CCSER1: variants seen among roughly 807,000 people sequenced by gnomAD.
CCSER1 encodes serine-rich coiled-coil domain-containing protein 1.
In CCSER1, 41 loss-of-function variants were observed where a neutral mutation model predicts 82.0. That is an observed-to-expected ratio of 0.50 (90% confidence interval 0.39 to 0.65). The LOEUF is 0.65. Among genes scored for constraint, CCSER1 ranks in the 30% least tolerant of loss-of-function variants. The pLI is 0.00. For missense variants in CCSER1, 1,119 were observed against 1,064.2 expected (o/e 1.05, Z -0.72); for synonymous variants, 414 against 383.9 (o/e 1.08, Z -0.92).
At chr4:91,160,214 A>C (rs1183671608) in intron 10 of CCSER1, among the ~76,000 whole-genome samples, 1 of 152,186 alleles carries the variant, frequency 6.6e-6, no homozygotes, top group Non-Finnish European at 1.5e-5. Context: ...GTCCCTACAA[A>C]GGACATGAAC....
intron 9 of CCSER1, among the ~76,000 whole-genome samples, chr4:91,052,868 G>T (rs1443137498): frequency 6.6e-6 from 1 of 152,064 alleles, no homozygotes; most frequent in Non-Finnish European, 1.5e-5. Flanking sequence ...ACATCTTTAT[G>T]TAGGGCATGA....
chr4:90,197,175 A>C (rs1736775765), intron 1 of CCSER1, among the ~76,000 whole-genome samples: 1 of 152,170 alleles, frequency 6.6e-6, no homozygotes, highest in Admixed American at 6.6e-5. Context: ...ATTATAAAGG[A>C]TATTATAAAG....
At chr4:90,683,870 A>G (rs969817904) in intron 6 of CCSER1, among the ~76,000 whole-genome samples, 4 of 152,144 alleles carry the variant, frequency 2.6e-5, no homozygotes, top group African/African-American at 9.7e-5. Flanking sequence ...CTTTTGAGCC[A>G]TGTTTCCTTG....
intron 10 of CCSER1, among the ~76,000 whole-genome samples, chr4:91,346,945 C>T (rs1748102301): frequency 1.3e-5 from 2 of 151,942 alleles, no homozygotes; most frequent in Non-Finnish European, 1.5e-5. Flanking sequence ...CTTTCTTTCT[C>T]TTCACAGTGT....
chr4:90,581,463 A>G (rs2148637894), intron 5 of CCSER1, among the ~76,000 whole-genome samples: 1 of 152,262 alleles, frequency 6.6e-6, no homozygotes, highest in East Asian at 1.9e-4. Flanking sequence ...CTGTTTGATT[A>G]CGTTCTACTT....
intron 3 of CCSER1, among the ~76,000 whole-genome samples, chr4:90,323,348 T>C (rs778107937): frequency 6.6e-6 from 1 of 152,208 alleles, no homozygotes; most frequent in African/African-American, 2.4e-5. Context: ...TTGTGACCTG[T>C]CTTTCAAAGT....
At chr4:90,476,390 A>G (rs1299568352) in intron 5 of CCSER1, among the ~76,000 whole-genome samples, 2 of 152,076 alleles carry the variant, frequency 1.3e-5, no homozygotes, top group Non-Finnish European at 2.9e-5. Flanking sequence ...AGGAACAGTC[A>G]ATCACTGGTA....
At chr4:90,965,355 G>C (rs905394584) in intron 9 of CCSER1, among the ~76,000 whole-genome samples, 4 of 152,056 alleles carry the variant, frequency 2.6e-5, no homozygotes, top group Non-Finnish European at 4.4e-5. Flanking sequence ...ATTCAAGGCT[G>C]TGTGTATGCC....
chr4:90,468,697 A>G (rs1578628001), intron 5 of CCSER1: 1 of 160,158 alleles, frequency 6.2e-6, no homozygotes, highest in East Asian at 1.8e-4. Context: ...ATAAAATGAA[A>G]TCAGTTTTTA....
intron 5 of CCSER1, among the ~76,000 whole-genome samples, chr4:90,577,842 C>T (rs939660716): frequency 2.0e-5 from 3 of 151,984 alleles, no homozygotes; most frequent in Admixed American, 6.6e-5. Context: ...CATGCCGGTG[C>T]AGCAGAGATT....
rs200733050 is a variant in CCSER1, at chr4:91,192,410, TAACTCTGTC to T, written c.2217+106417_2217+106425del. On this transcript the variant is annotated intron_variant, in intron 10 of 10. Transcript: ENST00000509176. Reference sequence around the variant, plus strand: ...CTCAGATTTCAAAGTCCTTGCAGGATAACTCTGTCGATTGAATGTACCCTTGAGACTTAG... The same window carrying T: ...CTCAGATTTCAAAGTCCTTGCAGGATGATTGAATGTACCCTTGAGACTTAG... Among the ~76,000 whole-genome samples the T allele has an allele frequency of 5.1e-3, 783 of 152,342 alleles. 6 individuals are homozygous for T. The highest frequency in any genetic ancestry group is 0.018 in the African/African-American group (739 of 41,574).
Position 91,184,572 on chromosome 4 carries a change from T to C in CCSER1, c.2217+98578T>C, listed in dbSNP as rs542649222. Among the ~76,000 whole-genome samples the C allele has an allele frequency of 9.2e-5, 14 of 152,364 alleles. 1 individual carries two copies. Among genetic ancestry groups the C allele is most frequent in the Non-Finnish European group, 1.5e-4 (10 of 68,038 alleles). ...AAAATGTTGGAGCTATGTGCCCATT[T>C]TCTAATTTTTCAGTAACTAATTTCT... On this transcript the variant is annotated intron_variant, in intron 10 of 10. Transcript: ENST00000509176.
At chr4:90,490,018 A>G (rs986983548) in intron 5 of CCSER1, among the ~76,000 whole-genome samples, 1 of 152,114 alleles carries the variant, frequency 6.6e-6, no homozygotes, top group African/African-American at 2.4e-5. Flanking sequence ...TTGATTTATA[A>G]TCCTTTGGGT....
intron 5 of CCSER1, among the ~76,000 whole-genome samples, chr4:90,542,098 A>G (rs1776180721): frequency 6.6e-6 from 1 of 152,106 alleles, no homozygotes; most frequent in Non-Finnish European, 1.5e-5. Context: ...TTTTATAACA[A>G]TTTGTTTGAA....
chr4:91,546,969 TTTC>T (rs1272803791), intron 10 of CCSER1, among the ~76,000 whole-genome samples: 2 of 116,640 alleles, frequency 1.7e-5, no homozygotes, highest in Admixed American at 9.3e-5. Flanking sequence ...TCTCTTGAGT[TTTC>T]TTTTTTTTTT....
At chr4:90,750,895 C>G (rs1225623327) in intron 7 of CCSER1, among the ~76,000 whole-genome samples, 1 of 152,032 alleles carries the variant, frequency 6.6e-6, no homozygotes, top group African/African-American at 2.4e-5. Context: ...AAGAAGAGAT[C>G]TGATTAAATA....
intron 10 of CCSER1, among the ~76,000 whole-genome samples, chr4:91,286,013 A>C (rs1743250738): frequency 6.6e-6 from 1 of 151,564 alleles, no homozygotes; most frequent in East Asian, 1.9e-4. Context: ...GGTGTGATGA[A>C]TACTTTCCTG....
chr4:90,708,243 A>G (rs1012575574), intron 6 of CCSER1, among the ~76,000 whole-genome samples: 7 of 152,160 alleles, frequency 4.6e-5, no homozygotes, highest in Non-Finnish European at 7.3e-5. Context: ...GCTTCAGACA[A>G]CCTTCCAGGT....
chr4:91,339,289 G>A (rs985782262), intron 10 of CCSER1, among the ~76,000 whole-genome samples: 3 of 152,062 alleles, frequency 2.0e-5, no homozygotes, highest in Admixed American at 1.3e-4. Context: ...CTAAATGATT[G>A]TGTAATAAAT....
Sources: gnomAD v4.1 joint callset for allele counts (sites outside exome capture counted in the v4.1 genomes callset) on GRCh38, gnomAD v4.1.1 for gene constraint, MANE v1.5 for transcripts, NCBI Gene and HGNC (gene_info 2026-07-23, HGNC 2026-07-21) for gene names.